Variants in CELF2 observed in about 807,000 individuals in gnomAD.
The protein encoded by CELF2 is CUGBP Elav-like family member 2, also known as CUG triplet repeat RNA-binding protein 2.
In CELF2, 8 loss-of-function variants were observed where a neutral mutation model predicts 62.6. The observed-to-expected ratio is 0.13, with a 90% CI of 0.07 to 0.23. CELF2 has a LOEUF of 0.23. CELF2 is among the 10% of genes least tolerant of loss of function. The pLI, the probability that CELF2 is intolerant of heterozygous loss-of-function variation, is 1.00. For missense variants in CELF2, 333 were observed against 671.0 expected, an observed-to-expected ratio of 0.50 and a Z score of 5.56; for synonymous variants, 258 against 250.0, an observed-to-expected ratio of 1.03 and a Z score of -0.30.
chr10:10,980,831 G>A (rs1323882998), intron 2 of CELF2, among the ~76,000 whole-genome samples: 2 of 151,704 alleles, frequency 1.3e-5, no homozygotes, highest in Non-Finnish European at 1.5e-5. Context: ...ATGTTTCTCT[G>A]GCTGCTCTTG....
chr10:11,251,768 A>G (rs1047088169), intron 4 of CELF2, among the ~76,000 whole-genome samples: 1 of 152,202 alleles, frequency 6.6e-6, no homozygotes, highest in South Asian at 2.1e-4. Flanking sequence ...ACATAAGTTA[A>G]CGTCTATAAA....
intron 2 of CELF2, among the ~76,000 whole-genome samples, chr10:10,971,529 G>A (rs2050752284): frequency 6.6e-6 from 1 of 152,118 alleles, no homozygotes; most frequent in Admixed American, 6.6e-5. Flanking sequence ...TCAAACCCAA[G>A]TTTCTGGAAA....
At chr10:10,849,045 C>T (rs941249643) in intron 1 of CELF2, among the ~76,000 whole-genome samples, 1 of 152,036 alleles carries the variant, frequency 6.6e-6, no homozygotes, top group Admixed American at 6.6e-5. Flanking sequence ...CAACAATATC[C>T]ATTTTGGCTA....
At chr10:11,170,201 G>A (rs2133577249) in intron 2 of CELF2, among the ~76,000 whole-genome samples, 1 of 152,348 alleles carries the variant, frequency 6.6e-6, no homozygotes, top group South Asian at 2.1e-4. Context: ...AGATGACTCT[G>A]CCTCAGGTCT....
chr10:10,622,376 A>C, the CELF2 span, among the ~76,000 whole-genome samples: 1 of 152,186 alleles, frequency 6.6e-6, no homozygotes, highest in Non-Finnish European at 1.5e-5. Context: ...TCGGAGGCCA[A>C]GATGGGTGGA....
chr10:10,534,285 A>C, the CELF2 span, among the ~76,000 whole-genome samples: 2 of 152,130 alleles, frequency 1.3e-5, no homozygotes, highest in African/African-American at 4.8e-5. Flanking sequence ...AGTAAAGAAA[A>C]AACACTTAAA....
chr10:11,195,432 G>A (rs991994742), intron 2 of CELF2, among the ~76,000 whole-genome samples: 4 of 152,152 alleles, frequency 2.6e-5, no homozygotes, highest in Non-Finnish European at 5.9e-5. Flanking sequence ...CTTAGGTACC[G>A]TTTCTTTCAT....
At position 11,288,449 on chromosome 10, in the gene CELF2, G is replaced by C. The variant is rs372968609; in HGVS notation, c.873G>C (p.Ala291=). Residue 291 remains alanine (A), a synonymous_variant, in exon 9 of 13, where the codon GCG becomes GCC. Transcript: ENST00000633077. The part of the protein sequence containing the change: ...GMNALQLQNL[A]TLAAAAAAAQ... ...ATGCTTTACAGTTGCAGAACCTGGCGACGCTGGCTGCTGCTGCAGCTGCGG... is the reference window on the plus strand; with the variant it reads ...ATGCTTTACAGTTGCAGAACCTGGCCACGCTGGCTGCTGCTGCAGCTGCGG... 5.6e-6 allele frequency: 9 copies of C among 1,614,012 alleles called. No homozygotes were observed. The highest frequency in any genetic ancestry group is 7.6e-6 in the Non-Finnish European group (9 of 1,180,038).
intron 1 of CELF2, among the ~76,000 whole-genome samples, chr10:10,854,518 G>T: frequency 6.6e-6 from 1 of 152,162 alleles, no homozygotes; most frequent in South Asian, 2.1e-4. Context: ...AACCCACTCC[G>T]GGATCCAAAA....
chr10:10,775,241 G>A, the CELF2 span, among the ~76,000 whole-genome samples: 1 of 152,162 alleles, frequency 6.6e-6, no homozygotes, highest in Non-Finnish European at 1.5e-5. Context: ...CTAGGGAAAG[G>A]AACAGCCACT....
At chr10:10,582,399 G>A in the CELF2 span, among the ~76,000 whole-genome samples, 1 of 152,140 alleles carries the variant, frequency 6.6e-6, no homozygotes, top group Admixed American at 6.5e-5. Context: ...GCTAATGCCT[G>A]AGATAGTTTT....
At chr10:10,505,188 A>G in the CELF2 span, among the ~76,000 whole-genome samples, 1 of 152,208 alleles carries the variant, frequency 6.6e-6, no homozygotes, top group African/African-American at 2.4e-5. Flanking sequence ...TTTCTCTGAC[A>G]TGCCTATGTC....
rs1590929897 is a variant in CELF2, at chr10:11,296,106, G to A, written c.976+7554G>A. On this transcript the variant is annotated intron_variant, in intron 9 of 12. Coordinates refer to ENST00000633077, the MANE Select transcript of CELF2 (RefSeq NM_001326342.2). This position sits in a 1 kb window ranked among gnomAD's most constrained non-coding sequence, Gnocchi z 5.0. Reference sequence around the variant, plus strand: ...CCACCTGTGCCCTGAGCTCTCCTTGGCGGGTGCCTTCATCCCCGGGATGGA... The same window carrying A: ...CCACCTGTGCCCTGAGCTCTCCTTGACGGGTGCCTTCATCCCCGGGATGGA... Among the ~76,000 whole-genome samples, 1 of 152,304 alleles carries A rather than the reference G, an allele frequency of 6.6e-6. No homozygotes were observed. The highest frequency in any genetic ancestry group is 1.5e-5 in the Non-Finnish European group (1 of 68,030).
intron 1 of CELF2, among the ~76,000 whole-genome samples, chr10:11,135,860 G>A (rs776038466): frequency 1.3e-5 from 2 of 152,172 alleles, no homozygotes; most frequent in Non-Finnish European, 2.9e-5. Flanking sequence ...GGGCGGTGGT[G>A]GGGAAGGGTA....
chr10:11,136,150 A>T (rs548922872), intron 1 of CELF2, among the ~76,000 whole-genome samples: 1 of 152,338 alleles, frequency 6.6e-6, no homozygotes, highest in South Asian at 2.1e-4. Flanking sequence ...AGACAACTGG[A>T]AACCTGGGAT....
intron 1 of CELF2, among the ~76,000 whole-genome samples, chr10:10,863,611 C>T (rs748030920): frequency 8.6e-5 from 13 of 151,916 alleles, no homozygotes; most frequent in Non-Finnish European, 1.2e-4. Flanking sequence ...AGTTTTTTGC[C>T]GTCACTTTTA....
At chr10:10,503,141 T>C in the CELF2 span, among the ~76,000 whole-genome samples, 11 of 151,970 alleles carry the variant, frequency 7.2e-5, no homozygotes, top group African/African-American at 2.7e-4. Context: ...GTTTTATCCA[T>C]AGGATATTAA....
chr10:11,004,273 G>A (rs2054829452), upstream of CELF2, among the ~76,000 whole-genome samples: 1 of 152,164 alleles, frequency 6.6e-6, no homozygotes, highest in Non-Finnish European at 1.5e-5. The surrounding 1 kb of genome is among the most constrained non-coding windows in gnomAD (Gnocchi z 5.0). Context: ...ACGTCTGTTT[G>A]AGGCTGTTCT....
chr10:10,774,644 C>A, the CELF2 span, among the ~76,000 whole-genome samples: 1 of 152,136 alleles, frequency 6.6e-6, no homozygotes, highest in Non-Finnish European at 1.5e-5. Context: ...AAGCAGATGG[C>A]GCAGTGCTTC....
Sources: allele counts gnomAD v4.1 joint callset (sites outside exome capture counted in the v4.1 genomes callset), GRCh38; gene constraint gnomAD v4.1.1; non-coding constraint Gnocchi (gnomAD v3.1); transcripts MANE v1.5; gene names NCBI Gene and HGNC (gene_info 2026-07-23, HGNC 2026-07-21).